The following RGS6 variants were observed in gnomAD, a reference collection of about 807,000 sequenced individuals.
The protein encoded by RGS6 is regulator of G protein signaling 6, also known as regulator of G-protein signaling 6.
Under a neutral mutation model 78.5 loss-of-function variants are expected in RGS6, and 30 were observed. That is an observed-to-expected ratio of 0.38 (90% CI 0.29 to 0.52). The LOEUF (loss-of-function observed/expected upper bound fraction) is 0.52, where lower values mean the gene tolerates loss of function less well. Among genes scored for constraint, RGS6 ranks in the 20% least tolerant of loss-of-function variants. The pLI is 0.85. For missense variants in RGS6, 495 were observed against 609.7 expected (o/e 0.81, Z 1.98); for synonymous variants, 206 against 206.0 (o/e 1.00, Z 0.00).
chr14:72,569,620 C>G (rs2097717961), downstream of RGS6, among the ~76,000 whole-genome samples: 1 of 144,706 alleles, frequency 6.9e-6, no homozygotes, highest in South Asian at 2.3e-4. Context: ...GTGGAGGTTA[C>G]AGTGAGCTGA....
At chr14:72,258,252 T>C (rs1430874036) in intron 2 of RGS6, among the ~76,000 whole-genome samples, 1 of 152,202 alleles carries the variant, frequency 6.6e-6, no homozygotes, top group Non-Finnish European at 1.5e-5. Flanking sequence ...CACTTAATCT[T>C]TAGAGGGCTC....
chr14:71,894,054 C>T, the RGS6 span, among the ~76,000 whole-genome samples: 1 of 152,102 alleles, frequency 6.6e-6, no homozygotes. Flanking sequence ...GGACCTTTGA[C>T]CCATAGGTAA....
intron 2 of RGS6, among the ~76,000 whole-genome samples, chr14:72,003,119 A>T (rs2083805651): frequency 6.6e-6 from 1 of 152,162 alleles, no homozygotes. Flanking sequence ...GTGAAAGAGA[A>T]CCCCTCAATG....
intron 3 of RGS6, among the ~76,000 whole-genome samples, chr14:72,401,854 T>G (rs56835193): frequency 0.021 from 3,216 of 152,240 alleles, 128 homozygotes; most frequent in African/African-American, 0.072. Context: ...AAAGACTGTT[T>G]GATTTGGAGT....
intron 3 of RGS6, among the ~76,000 whole-genome samples, chr14:72,382,316 T>G (rs558228759): frequency 6.6e-6 from 1 of 152,076 alleles, no homozygotes. Context: ...AGAGAAAATA[T>G]ACATGACCAA....
chr14:72,187,716 C>G (rs890160616), intron 2 of RGS6, among the ~76,000 whole-genome samples: 5 of 152,202 alleles, frequency 3.3e-5, no homozygotes, highest in Admixed American at 2.0e-4. Context: ...CCCCAATTCT[C>G]TTTTCTTTTC....
Position 72,228,384 on chromosome 14 carries a change from AAATAAT to A in RGS6, c.85-123702_85-123697del, listed in dbSNP as rs936295783. On this transcript the variant is annotated intron_variant, in intron 2 of 17. Coordinates refer to ENST00000553525, the MANE Select transcript of RGS6 (RefSeq NM_001204424.2). The stretch of plus-strand genomic sequence containing the variant: ...CAACAGAGCGAGACTCTGTCTCAAA[AAATAAT>A]AATAATAAAATAAAAATAAAAATAC... 3.4e-5 allele frequency among the ~76,000 whole-genome samples: 5 copies of A among 147,376 alleles called. No homozygotes were observed. The South Asian group carries it at 8.5e-4, about 25-fold the overall frequency.
intron 3 of RGS6, among the ~76,000 whole-genome samples, chr14:72,367,144 G>T (rs2152817884): frequency 6.6e-6 from 1 of 152,242 alleles, no homozygotes; most frequent in Admixed American, 6.5e-5. Flanking sequence ...CTGTTCCCAT[G>T]ATCTCATGCA....
intron 2 of RGS6, among the ~76,000 whole-genome samples, chr14:72,116,207 C>A (rs530785097): frequency 1.3e-5 from 2 of 152,102 alleles, no homozygotes; most frequent in East Asian, 3.9e-4. Flanking sequence ...AGAGTTGATA[C>A]CAGACAGTCC....
At chr14:72,139,750 T>A (rs2096509607) in intron 2 of RGS6, among the ~76,000 whole-genome samples, 2 of 151,970 alleles carry the variant, frequency 1.3e-5, no homozygotes, top group Admixed American at 1.3e-4. Flanking sequence ...TCAAAGAGGA[T>A]GAAAATGTTG....
chr14:72,378,895 A>T (rs1354037391), intron 3 of RGS6, among the ~76,000 whole-genome samples: 1 of 152,160 alleles, frequency 6.6e-6, no homozygotes, highest in African/African-American at 2.4e-5. Flanking sequence ...AAAAGGTTAT[A>T]CAGGTTAATA....
chr14:72,131,790 C>A (rs1244817604), intron 2 of RGS6, among the ~76,000 whole-genome samples: 1 of 152,212 alleles, frequency 6.6e-6, no homozygotes, highest in Non-Finnish European at 1.5e-5. Context: ...CTTACCTCTA[C>A]TTTCTCAATA....
At chr14:72,591,088 A>G in the RGS6 span, among the ~76,000 whole-genome samples, 29 of 152,356 alleles carry the variant, frequency 1.9e-4, no homozygotes, top group South Asian at 5.4e-3. Flanking sequence ...ACTTGAAGGA[A>G]ATACAGTCAT....
In RGS6 at chr14:72,518,354, C is replaced by T. The variant is rs769085626; in HGVS notation, c.1095C>T (p.Phe365=). 6 of 1,612,770 alleles carry T rather than the reference C, an allele frequency of 3.7e-6. No individual in the cohort carries two copies. The highest frequency in any genetic ancestry group is 5.1e-6 in the Non-Finnish European group (6 of 1,179,142). ...TGTGTTTCTGCTCCCACTTCAGGTTCTGGCTGGCTGTCCAAGATCTTAAGA... is the reference window on the plus strand; with the variant it reads ...TGTGTTTCTGCTCCCACTTCAGGTTTTGGCTGGCTGTCCAAGATCTTAAGA... ...ESEFSSENLR[F]WLAVQDLKKQ... The change falls in exon 15 of 18, where the codon TTC becomes TTT. Residue 365 remains phenylalanine (F), a synonymous_variant. Coordinates refer to ENST00000553525, the MANE Select transcript of RGS6 (RefSeq NM_001204424.2).
intron 3 of RGS6, among the ~76,000 whole-genome samples, chr14:72,433,299 C>T (rs373369682): frequency 2.0e-5 from 3 of 151,136 alleles, no homozygotes; most frequent in African/African-American, 7.3e-5. Flanking sequence ...ATGTTCCAGA[C>T]ACAAGGAGGG....
intron 2 of RGS6, among the ~76,000 whole-genome samples, chr14:72,088,092 C>G (rs1276843498): frequency 6.6e-6 from 1 of 152,176 alleles, no homozygotes; most frequent in Non-Finnish European, 1.5e-5. Flanking sequence ...TTGGTACCAT[C>G]TCCTTCTGCA....
chr14:72,029,575 A>G (rs2012354), intron 2 of RGS6, among the ~76,000 whole-genome samples: 6,658 of 152,282 alleles, frequency 0.044, 179 homozygotes, highest in African/African-American at 0.078. Flanking sequence ...CCTTTGCTGC[A>G]GGAGCAGGAA....
At chr14:71,909,628 A>G in the RGS6 span, among the ~76,000 whole-genome samples, 1 of 145,120 alleles carries the variant, frequency 6.9e-6, no homozygotes, top group African/African-American at 2.8e-5. Flanking sequence ...GAGGGGGGAA[A>G]GAGAGAGAGA....
At chr14:71,988,451 A>G (rs552388916) in intron 2 of RGS6, among the ~76,000 whole-genome samples, 2 of 152,270 alleles carry the variant, frequency 1.3e-5, no homozygotes, top group South Asian at 2.1e-4. Flanking sequence ...TTAAAAGAGA[A>G]GCCATATTTT....
Sources: allele counts gnomAD v4.1 joint callset (sites outside exome capture counted in the v4.1 genomes callset), GRCh38; gene constraint gnomAD v4.1.1; transcripts MANE v1.5; gene names NCBI Gene and HGNC (gene_info 2026-07-23, HGNC 2026-07-21).